Variants in TMEM120B observed in about 807,000 individuals in gnomAD.
The protein encoded by TMEM120B is transmembrane protein 120B.
TMEM120B carries 31 observed loss-of-function variants against 55.5 expected under a neutral mutation model. The ratio of observed to expected loss-of-function variants is 0.56; its 90% CI spans 0.42 to 0.75. TMEM120B has a LOEUF of 0.75. Ranked by LOEUF, TMEM120B falls within the 30% of genes least tolerant of loss-of-function variation. TMEM120B has a pLI of 0.00. For synonymous variants in TMEM120B, 203 were observed against 176.3 expected (o/e 1.15, Z -1.20); for missense variants, 399 against 425.5 (o/e 0.94, Z 0.55).
chr12:121,770,832 G>T, intron 6 of TMEM120B, 75 bp from the exon 7 acceptor site: 1 of 1,378,048 alleles, frequency 7.3e-7, no homozygotes, highest in Non-Finnish European at 1.0e-6. Context: ...CTGCTGCATA[G>T]GTGGGGCCTC....
chr12:121,758,185 G>C, intron 5 of TMEM120B: 1 of 985,490 alleles, frequency 1.0e-6, no homozygotes, highest in Non-Finnish European at 1.2e-6. Flanking sequence ...CCTCAGAGGG[G>C]CGTCTGTCAC....
At chr12:121,741,722 T>C (rs1334276111) in intron 1 of TMEM120B, among the ~76,000 whole-genome samples, 1 of 152,090 alleles carries the variant, frequency 6.6e-6, no homozygotes. Flanking sequence ...AACCTCCACC[T>C]CCTGGGTTCA....
intron 1 of TMEM120B, among the ~76,000 whole-genome samples, chr12:121,727,357 G>A (rs1894915037): frequency 6.6e-6 from 1 of 151,460 alleles, no homozygotes; most frequent in Non-Finnish European, 1.5e-5. Context: ...GCAGCATAAT[G>A]AGACCCCGTC....
At chr12:121,751,483 C>T (rs528961508) in intron 4 of TMEM120B, among the ~76,000 whole-genome samples, 4 of 150,774 alleles carry the variant, frequency 2.7e-5, no homozygotes, top group Admixed American at 6.6e-5. Flanking sequence ...CTCCGGCATT[C>T]TGTTCCTTCA....
chr12:121,753,784 G>A (rs1433653535), intron 5 of TMEM120B, among the ~76,000 whole-genome samples: 1 of 152,206 alleles, frequency 6.6e-6, no homozygotes, highest in African/African-American at 2.4e-5. Context: ...TTCCCTCTGG[G>A]AGCCTCAGTC....
chr12:121,781,252 G>T lies in TMEM120B; in HGVS notation c.*5530G>T. On this transcript the variant is annotated 3_prime_UTR_variant, in exon 12 of 12. Transcript: ENST00000449592. Reference sequence around the variant, plus strand: ...CCCCTCCCTGTCTGGACTCTGACGGGTGAAGGGGAAGGGGCCAGGCAAGTG... The same window carrying T: ...CCCCTCCCTGTCTGGACTCTGACGGTTGAAGGGGAAGGGGCCAGGCAAGTG... 2.0e-6 allele frequency: 3 copies of T among 1,502,928 alleles called. No individual in the cohort carries two copies. The South Asian group carries it at 3.5e-5, about 17-fold the overall frequency. The allele number at this position is 1,502,928 out of a possible 1,614,324, so 93.1% of individuals were successfully genotyped here.
At chr12:121,749,905 C>CAAAAAAAAAAAAA (rs112189031) in intron 3 of TMEM120B, among the ~76,000 whole-genome samples, 1 of 79,852 alleles carries the variant, frequency 1.3e-5, no homozygotes. Flanking sequence ...GACTCTGTCT[C>CAAAAAAAAAAAAA]AAAAAAAAAA....
In TMEM120B at chr12:121,779,693, A is replaced by AG; in HGVS notation, c.*3975dup. 6.2e-7 allele frequency: 1 copy of AG among 1,611,826 alleles called. No homozygotes were observed. The highest frequency in any genetic ancestry group is 1.1e-5 in the South Asian group (1 of 91,044). On this transcript the variant is annotated 3_prime_UTR_variant, in exon 12 of 12. Coordinates refer to ENST00000449592, the MANE Select transcript of TMEM120B (RefSeq NM_001080825.2). ...TGGGGGGAGGAGCCAGCATTAGGTG[A>AG]GGGGCCCCTGGAGGTCTCCTAGCAC... is the stretch of plus-strand genomic sequence containing the variant.
At chr12:121,732,822 A>G (rs898673141) in intron 1 of TMEM120B, among the ~76,000 whole-genome samples, 3 of 152,062 alleles carry the variant, frequency 2.0e-5, no homozygotes, top group Non-Finnish European at 4.4e-5. Context: ...TACTAAAAAT[A>G]CAAAAAATTA....
intron 9 of TMEM120B, among the ~76,000 whole-genome samples, chr12:121,774,098 G>A (rs563230456): frequency 2.0e-5 from 3 of 151,994 alleles, no homozygotes; most frequent in Non-Finnish European, 4.4e-5. Context: ...TGGGATTACA[G>A]GCATGTGCCA....
chr12:121,769,172 A>C (rs1566525026), intron 6 of TMEM120B, among the ~76,000 whole-genome samples: 2 of 138,072 alleles, frequency 1.4e-5, no homozygotes, highest in African/African-American at 2.6e-5. Flanking sequence ...CAAAAAAAAA[A>C]ACCCCAAAAA....
intron 6 of TMEM120B, 22 bp from the exon 7 acceptor site, chr12:121,770,885 T>G (rs1346094911): frequency 6.2e-7 from 1 of 1,613,598 alleles, no homozygotes; most frequent in Non-Finnish European, 8.5e-7. Flanking sequence ...CTGAGCACTT[T>G]CCGTTCTCTC....
intron 3 of TMEM120B, among the ~76,000 whole-genome samples, chr12:121,749,235 G>C (rs533226250): frequency 6.6e-6 from 1 of 152,224 alleles, no homozygotes; most frequent in Non-Finnish European, 1.5e-5. Flanking sequence ...GACCCCATGA[G>C]TTAAGTGATG....
At chr12:121,716,667 A>G (rs1219943895) in intron 1 of TMEM120B, among the ~76,000 whole-genome samples, 4 of 145,742 alleles carry the variant, frequency 2.7e-5, no homozygotes, top group African/African-American at 7.7e-5. Context: ...GGTTAAAGCT[A>G]TTCTCCTGCC....
intron 1 of TMEM120B, among the ~76,000 whole-genome samples, chr12:121,720,018 A>G (rs927910599): frequency 9.2e-5 from 14 of 152,086 alleles, no homozygotes; most frequent in Non-Finnish European, 1.5e-4. Context: ...ATTCTTGATG[A>G]TGTCACATCT....
chr12:121,737,759 C>T (rs1422994356), intron 1 of TMEM120B, among the ~76,000 whole-genome samples: 2 of 152,056 alleles, frequency 1.3e-5, no homozygotes, highest in African/African-American at 4.8e-5. Context: ...TCTGTAACCC[C>T]AGCACTTTGG....
chr12:121,736,467 C>T (rs1339689567), intron 1 of TMEM120B, among the ~76,000 whole-genome samples: 5 of 151,076 alleles, frequency 3.3e-5, no homozygotes, highest in Non-Finnish European at 5.9e-5. Context: ...CGTGCCCGGC[C>T]GGTCTCGAAC....
intron 5 of TMEM120B, among the ~76,000 whole-genome samples, chr12:121,756,227 G>A (rs1343118625): frequency 6.6e-6 from 1 of 152,172 alleles, no homozygotes; most frequent in African/African-American, 2.4e-5. Context: ...GCCGGGTGTG[G>A]TGGTTCATGC....
intron 1 of TMEM120B, among the ~76,000 whole-genome samples, chr12:121,739,141 C>T (rs997892042): frequency 3.9e-5 from 6 of 152,084 alleles, no homozygotes; most frequent in Admixed American, 2.6e-4. Context: ...GAGCCAAGAT[C>T]GCACCACTGT....
Sources: gnomAD v4.1 joint callset for allele counts (sites outside exome capture counted in the v4.1 genomes callset) on GRCh38, gnomAD v4.1.1 for gene constraint, MANE v1.5 for transcripts, NCBI Gene and HGNC (gene_info 2026-07-23, HGNC 2026-07-21) for gene names.